The following HENMT1 variants were observed in gnomAD, a reference collection of about 807,000 sequenced individuals.
HENMT1 encodes the protein small RNA 2'-O-methyltransferase.
In HENMT1, 27 loss-of-function variants were observed where a neutral mutation model predicts 31.1. The observed-to-expected ratio is 0.87, with a 90% CI of 0.64 to 1.20. The LOEUF is 1.20. Among genes scored for constraint, HENMT1 ranks in the 50% most tolerant of loss-of-function variants. The probability of loss-of-function intolerance (pLI) is 0.00; values close to 1 mark genes in which losing one functional copy is unlikely to be tolerated. For synonymous variants in HENMT1, 167 were observed against 172.2 expected (o/e 0.97, Z 0.24); for missense variants, 438 against 469.6 (o/e 0.93, Z 0.62).
At chr1:108,651,431 G>A (rs1006129795) in intron 5 of HENMT1, 23 of 472,702 alleles carry the variant, frequency 4.9e-5, no homozygotes, top group Non-Finnish European at 8.6e-5. Context: ...GATCACCCAA[G>A]GTCAAGAGTT....
At chr1:108,651,298 G>T (rs1658047056) in intron 5 of HENMT1, 89 bp from the exon 6 acceptor site, 1 of 1,078,060 alleles carries the variant, frequency 9.3e-7, no homozygotes, top group Non-Finnish European at 1.4e-6. Flanking sequence ...ATTTCCATCT[G>T]TGTATCGATT....
At chr1:108,660,406 T>C (rs1658415128) in intron 1 of HENMT1, among the ~76,000 whole-genome samples, 1 of 152,124 alleles carries the variant, frequency 6.6e-6, no homozygotes, top group African/African-American at 2.4e-5. Context: ...GCCCATTTCA[T>C]TGCTAAGACC....
chr1:108,648,518 G>A lies in HENMT1; in HGVS notation c.*48C>T, dbSNP rs774408759. On this transcript the variant is annotated 3_prime_UTR_variant, in exon 8 of 8. Coordinates refer to ENST00000651461, the MANE Select transcript of HENMT1 (RefSeq NM_001102592.2). ...ACACAAAAAAAACTAAATTCTAAGT[G>A]AGCACAACTATCGCTGAGACCCTGA... The A allele has an allele frequency of 4.0e-6, 6 of 1,498,254 alleles. No homozygotes were observed. The highest frequency in any genetic ancestry group is 4.6e-6 in the Non-Finnish European group (5 of 1,094,656). 92.8% of individuals were successfully genotyped at this position (1,498,254 alleles called of 1,614,324 possible). A position where few individuals can be genotyped will look rare whatever the true frequency, so the allele number is the denominator to read the frequency against.
chr1:108,651,406 A>T, intron 5 of HENMT1, 197 bp from the exon 6 acceptor site: 1 of 536,118 alleles, frequency 1.9e-6, no homozygotes, highest in Non-Finnish European at 3.3e-6. Flanking sequence ...ACACTTTGGG[A>T]GGCCAAGGTG....
chr1:108,657,146 T>TC, intron 3 of HENMT1, among the ~76,000 whole-genome samples: 1 of 152,164 alleles, frequency 6.6e-6, no homozygotes, highest in South Asian at 2.1e-4. Context: ...CTTTACTTCT[T>TC]CCCCCAGGGC....
chr1:108,658,814 A>G (rs1451975329), intron 2 of HENMT1, among the ~76,000 whole-genome samples: 1 of 152,216 alleles, frequency 6.6e-6, no homozygotes, highest in Non-Finnish European at 1.5e-5. Flanking sequence ...TTTTTCTTTA[A>G]CATGACCCCA....
At chr1:108,650,904 A>G (rs1658033619) in intron 6 of HENMT1, 126 bp downstream of exon 6, 2 of 689,028 alleles carry the variant, frequency 2.9e-6, no homozygotes, top group Non-Finnish European at 2.4e-6. Context: ...TAAGTCACAC[A>G]TTGGAATCAA....
intron 2 of HENMT1, 66 bp from the exon 3 acceptor site, chr1:108,657,645 G>T: frequency 7.1e-7 from 1 of 1,399,972 alleles, no homozygotes. Flanking sequence ...TAAATAAGGG[G>T]CAAAAAAAAA....
chr1:108,654,961 T>A (rs780457569), intron 4 of HENMT1, 111 bp from the exon 5 acceptor site: 21 of 1,082,530 alleles, frequency 1.9e-5, no homozygotes, highest in Non-Finnish European at 2.7e-5. Context: ...TTGATATAAG[T>A]CTGACACAGC....
intron 7 of HENMT1, 123 bp downstream of exon 7, chr1:108,650,088 A>T: frequency 1.2e-6 from 1 of 866,846 alleles, no homozygotes; most frequent in Non-Finnish European, 1.9e-6. Flanking sequence ...GAATTCTCCT[A>T]GAGTGAACCA....
In HENMT1 at chr1:108,654,787, T is replaced by C. The variant is rs1182980217; in HGVS notation, c.327A>G (p.Thr109=). ...TCTCCACAACGGAGCCATGATACAA[T>C]GTGATGGTCAAATTCAGATCCCGAG... ...LKPRDLNLTI[T]LYHGSVVERD... Residue 109 remains threonine (T), a synonymous_variant, in exon 5 of 8, where the codon ACA becomes ACG. Transcript: ENST00000651461. The C allele has an allele frequency of 1.9e-6, 3 of 1,614,070 alleles. No individual in the cohort carries two copies. The highest frequency in any genetic ancestry group is 2.5e-6 in the Non-Finnish European group (3 of 1,179,976).
At chr1:108,652,039 T>C (rs935925768) in intron 5 of HENMT1, among the ~76,000 whole-genome samples, 1 of 152,208 alleles carries the variant, frequency 6.6e-6, no homozygotes, top group Non-Finnish European at 1.5e-5. Flanking sequence ...ATAGCACATA[T>C]TCTTCAGAAA....
intron 7 of HENMT1, 122 bp downstream of exon 7, chr1:108,650,089 G>C (rs1181721452): frequency 3.4e-6 from 3 of 874,358 alleles, no homozygotes; most frequent in South Asian, 2.7e-5. Flanking sequence ...AATTCTCCTA[G>C]AGTGAACCAC....
At chr1:108,650,564 G>T (rs1403691440) in intron 6 of HENMT1, among the ~76,000 whole-genome samples, 176 bp from the exon 7 acceptor site, 2 of 152,172 alleles carry the variant, frequency 1.3e-5, no homozygotes, top group African/African-American at 4.8e-5. Context: ...TCAAGGCAAG[G>T]ATATAGTGTC....
At chr1:108,657,671 CCAAT>C (rs1658290234) in intron 2 of HENMT1, 92 bp from the exon 3 acceptor site, 1 of 1,268,076 alleles carries the variant, frequency 7.9e-7, no homozygotes, top group Non-Finnish European at 1.1e-6. Flanking sequence ...TTTATTTCCC[CCAAT>C]CACTTTGAAA....
At chr1:108,658,063 ATAT>A (rs1249200511) in intron 2 of HENMT1, among the ~76,000 whole-genome samples, 3 of 78,010 alleles carry the variant, frequency 3.8e-5, no homozygotes, top group African/African-American at 1.4e-4. Flanking sequence ...ACACACACAT[ATAT>A]ATGTACACAC....
chr1:108,650,268 T>G lies in HENMT1; in HGVS notation c.699A>C (p.Gly233=), dbSNP rs901453011. The change falls in exon 7 of 8, where the codon GGA becomes GGC. Residue 233 remains glycine (G), a synonymous_variant. Transcript: ENST00000651461. ...CTQIGIFRKN[G]GKATESCLSE... is the part of the protein sequence containing the mutation. ...AAAGACATGATTCTGTTGCCTTTCC[T>G]CCATTTTTCCGGAAGATTCCTATCT... 3.1e-6 allele frequency: 5 copies of G among 1,614,060 alleles called. No homozygotes were observed. The African/African-American group carries it at 5.3e-5, about 17-fold the overall frequency.
At chr1:108,658,835 G>C (rs1658350112) in intron 2 of HENMT1, among the ~76,000 whole-genome samples, 1 of 152,070 alleles carries the variant, frequency 6.6e-6, no homozygotes, top group South Asian at 2.1e-4. Flanking sequence ...AGAAAAAACA[G>C]AATTTATAAG....
chr1:108,657,992 TACACACACACACACACATATATGTAC>T lies in HENMT1; in HGVS notation c.22-439_22-414del. Among the ~76,000 whole-genome samples, 3 of 145,958 alleles carry T rather than the reference TACACACACACACACACATATATGTAC, an allele frequency of 2.1e-5. 1 individual carries two copies. The highest frequency in any genetic ancestry group is 4.5e-5 in the Non-Finnish European group (3 of 67,346). The stretch of plus-strand genomic sequence containing the variant: ...ATATATATACACACACACATATATA[TACACACACACACACACATATATGTAC>T]ACACACTTACACACACACACATATA... On this transcript the variant is annotated intron_variant, in intron 2 of 7. Coordinates refer to ENST00000651461, the MANE Select transcript of HENMT1 (RefSeq NM_001102592.2).
Sources: allele counts gnomAD v4.1 joint callset (sites outside exome capture counted in the v4.1 genomes callset), GRCh38; gene constraint gnomAD v4.1.1; transcripts MANE v1.5; gene names NCBI Gene and HGNC (gene_info 2026-07-23, HGNC 2026-07-21).